MAPK10: variants seen among roughly 807,000 people sequenced by gnomAD.
The protein encoded by MAPK10 is mitogen-activated protein kinase 10.
In MAPK10, 25 loss-of-function variants were observed where a neutral mutation model predicts 59.3. That is an observed-to-expected ratio of 0.42 (90% confidence interval 0.31 to 0.59). The LOEUF is 0.59. Among genes scored for constraint, MAPK10 ranks in the 20% least tolerant of loss-of-function variants. The pLI is 0.15. For missense variants in MAPK10, 351 were observed against 568.9 expected (o/e 0.62, Z 3.90); for synonymous variants, 190 against 200.5 (o/e 0.95, Z 0.44).
intron 2 of MAPK10, among the ~76,000 whole-genome samples, chr4:86,309,502 A>G (rs2095629997): frequency 6.6e-6 from 1 of 152,202 alleles, no homozygotes; most frequent in South Asian, 2.1e-4. Context: ...TAATTGCATT[A>G]AGGAGATGCT....
At chr4:86,176,631 C>G (rs1228039552) in intron 3 of MAPK10, among the ~76,000 whole-genome samples, 1 of 140,290 alleles carries the variant, frequency 7.1e-6, no homozygotes, top group Non-Finnish European at 1.5e-5. Context: ...ATAATAACTA[C>G]TTAATAAATT....
At chr4:86,329,951 T>C (rs1388236282) in intron 2 of MAPK10, among the ~76,000 whole-genome samples, 2 of 152,216 alleles carry the variant, frequency 1.3e-5, no homozygotes, top group Admixed American at 1.3e-4. Context: ...CAGAGGCATA[T>C]ATTCTCCAGA....
chr4:86,499,036 C>T (rs1238525840), intron 1 of MAPK10, among the ~76,000 whole-genome samples: 3 of 152,082 alleles, frequency 2.0e-5, no homozygotes, highest in South Asian at 2.1e-4. Flanking sequence ...AAGCCACATC[C>T]AATTATAGAG....
chr4:86,280,797 A>G (rs552681767), intron 2 of MAPK10, among the ~76,000 whole-genome samples: 2 of 152,206 alleles, frequency 1.3e-5, no homozygotes, highest in African/African-American at 4.8e-5. Flanking sequence ...CTTTGCAGCA[A>G]CATAGATGCA....
chr4:86,377,293 A>G (rs1015633083), intron 1 of MAPK10, among the ~76,000 whole-genome samples: 1 of 152,180 alleles, frequency 6.6e-6, no homozygotes, highest in Non-Finnish European at 1.5e-5. Flanking sequence ...AGCTTCCAGT[A>G]CAGCTCTACT....
At chr4:86,529,707 GTGGT>G (rs1757724982) in intron 1 of MAPK10, among the ~76,000 whole-genome samples, 1 of 152,170 alleles carries the variant, frequency 6.6e-6, no homozygotes, top group Non-Finnish European at 1.5e-5. Context: ...ACAGCGATGG[GTGGT>G]TGGGCCAATT....
At chr4:86,540,965 A>G (rs767240202) in intron 1 of MAPK10, among the ~76,000 whole-genome samples, 2 of 152,154 alleles carry the variant, frequency 1.3e-5, no homozygotes, top group African/African-American at 4.8e-5. Flanking sequence ...TACTTTTGTT[A>G]GATTTCCTAC....
intron 4 of MAPK10, among the ~76,000 whole-genome samples, chr4:86,111,473 A>G (rs2057469303): frequency 2.0e-5 from 3 of 152,300 alleles, no homozygotes; most frequent in South Asian, 4.1e-4. Flanking sequence ...TTCTGCATCT[A>G]TTGAAATAAT....
At chr4:86,046,277 C>T (rs1167862826) in intron 11 of MAPK10, among the ~76,000 whole-genome samples, 2 of 151,558 alleles carry the variant, frequency 1.3e-5, no homozygotes, top group East Asian at 4.0e-4. Context: ...TCCTGTCTTC[C>T]TATTTGAATA....
intron 1 of MAPK10, among the ~76,000 whole-genome samples, chr4:86,589,132 T>C (rs535791956): frequency 5.8e-4 from 88 of 152,014 alleles, no homozygotes; most frequent in Admixed American, 9.8e-4. Context: ...AAAGAAAATA[T>C]GGGAGAATAT....
At chr4:86,268,303 T>C (rs941296303) in intron 2 of MAPK10, 2 of 152,276 alleles carry the variant, frequency 1.3e-5, no homozygotes, top group African/African-American at 2.4e-5. Context: ...CTTCTCACCA[T>C]CTTTACTGTG....
In MAPK10 at chr4:86,194,149, C is replaced by T. The variant is rs138296254; in HGVS notation, c.66+187G>A. On this transcript the variant is annotated intron_variant, in intron 3 of 13. Transcript: ENST00000641462. ...AAATGCAGAAATCACTCGTCTTCTG[C>T]GTTGATCTTGCTGGGAGCTGGAGAC... 6.9e-4 allele frequency: 400 copies of T among 579,566 alleles called. 1 individual carries two copies. Among genetic ancestry groups the T allele is most frequent in the African/African-American group, 5.6e-3 (303 of 53,670 alleles). The allele number at this position is 579,566 out of a possible 1,614,324, so 35.9% of individuals were successfully genotyped here.
At chr4:86,504,524 G>T (rs1366447974) in intron 1 of MAPK10, among the ~76,000 whole-genome samples, 1 of 152,054 alleles carries the variant, frequency 6.6e-6, no homozygotes, top group Non-Finnish European at 1.5e-5. Flanking sequence ...TTACTATTAT[G>T]TAGGAACCTA....
Position 86,265,441 on chromosome 4 carries a change from G to A in MAPK10, c.-6-71034C>T, listed in dbSNP as rs554211374. Among the ~76,000 whole-genome samples the A allele has an allele frequency of 6.5e-3, 993 of 151,734 alleles. 4 individuals are homozygous for A. The highest frequency in any genetic ancestry group is 0.011 in the Non-Finnish European group (726 of 67,924). Reference sequence around the variant, plus strand: ...GGAAAATCGCTTAAACCTGGGAGGCGGAGGTTGCAGTGAGCCATGATCATG... The same window carrying A: ...GGAAAATCGCTTAAACCTGGGAGGCAGAGGTTGCAGTGAGCCATGATCATG... On this transcript the variant is annotated intron_variant, in intron 2 of 13. Coordinates refer to ENST00000641462, the MANE Select transcript of MAPK10 (RefSeq NM_138982.4).
chr4:86,511,267 T>C (rs1439288875), intron 1 of MAPK10, among the ~76,000 whole-genome samples: 1 of 151,594 alleles, frequency 6.6e-6, no homozygotes, highest in African/African-American at 2.4e-5. Context: ...GTGGATTACA[T>C]GAGCTCAGGA....
At chr4:86,183,554 G>C (rs28759971) in intron 3 of MAPK10, among the ~76,000 whole-genome samples, 12,806 of 151,900 alleles carry the variant, frequency 0.084, 1,196 homozygotes, top group African/African-American at 0.23. Context: ...GGACATTTGG[G>C]TTGGTTCCAA....
intron 2 of MAPK10, among the ~76,000 whole-genome samples, chr4:86,307,150 C>T (rs1380285496): frequency 6.6e-6 from 1 of 152,124 alleles, no homozygotes; most frequent in Non-Finnish European, 1.5e-5. Flanking sequence ...GTTCTCTGAG[C>T]TACATTTTCA....
At chr4:86,067,635 C>T (rs926251546) in intron 10 of MAPK10, 138 bp downstream of exon 10, 3 of 705,778 alleles carry the variant, frequency 4.3e-6, no homozygotes, top group Middle Eastern at 4.2e-4. Flanking sequence ...CACCCTATAT[C>T]CCACAAAAAT....
chr4:86,430,007 G>A (rs1747830204), intron 1 of MAPK10, among the ~76,000 whole-genome samples: 1 of 151,940 alleles, frequency 6.6e-6, no homozygotes, highest in Non-Finnish European at 1.5e-5. Context: ...TTTTTGGTTG[G>A]GAGAGTATCG....
Sources: allele counts gnomAD v4.1 joint callset (sites outside exome capture counted in the v4.1 genomes callset), GRCh38; gene constraint gnomAD v4.1.1; transcripts MANE v1.5; gene names NCBI Gene and HGNC (gene_info 2026-07-23, HGNC 2026-07-21).